NR1D2: variants seen among roughly 807,000 people sequenced by gnomAD.
NR1D2 encodes nuclear receptor subfamily 1 group D member 2.
In NR1D2, 25 loss-of-function variants were observed where a neutral mutation model predicts 52.2. The observed-to-expected ratio is 0.48, with a 90% CI of 0.35 to 0.67. NR1D2 has a LOEUF of 0.67. Among genes scored for constraint, NR1D2 ranks in the 30% least tolerant of loss-of-function variants. The pLI is 0.01. For missense variants in NR1D2, 681 were observed against 707.2 expected (o/e 0.96, Z 0.42); for synonymous variants, 259 against 230.1 (o/e 1.13, Z -1.14).
intron 7 of NR1D2, among the ~76,000 whole-genome samples, chr3:23,973,958 A>C (rs1706655005): frequency 6.6e-6 from 1 of 152,006 alleles, no homozygotes; most frequent in East Asian, 1.9e-4. Flanking sequence ...ATTTTGTTCT[A>C]CTGGAAGGTC....
intron 1 of NR1D2, among the ~76,000 whole-genome samples, chr3:23,947,853 C>A (rs1405013270): frequency 6.6e-6 from 1 of 152,206 alleles, no homozygotes; most frequent in African/African-American, 2.4e-5. Flanking sequence ...CACAGTGGCT[C>A]ACGCCTGTAA....
Position 23,954,801 on chromosome 3 carries a change from C to G in NR1D2, c.281C>G (p.Thr94Arg), listed in dbSNP as rs1224886287. The change falls in exon 2 of 8, where the codon ACA becomes AGA. Residue 94 changes from threonine to arginine, a missense_variant and splice_region_variant. Physicochemically the swap from Thr to Arg is moderately conservative, Grantham distance 71. Around this residue, in one of 3 missense-constraint regions of NR1D2, gnomAD observed 112 missense variants for 162.3 expected, o/e 0.69. Transcript: ENST00000312521. The part of the protein sequence containing the change: ...PGMTKSHSGV[T>R]KFSGMVLLCK... ...ATGACAAAAAGTCATAGTGGTGTGA[C>G]AAGTAAGTTACTTTGGTTTTCTAAA... 2 of 1,610,732 alleles carry G rather than the reference C, an allele frequency of 1.2e-6. No homozygotes were observed. Among genetic ancestry groups the G allele is most frequent in the East Asian group, 4.5e-5 (2 of 44,804 alleles).
Position 23,945,535 on chromosome 3 carries a change from C to T in NR1D2, c.-44C>T, listed in dbSNP as rs1372817104. 4.4e-6 allele frequency: 5 copies of T among 1,135,712 alleles called. No individual in the cohort carries two copies. In the African/African-American group the frequency reaches 6.6e-5, roughly 15 times the overall value. The allele number at this position is 1,135,712 out of a possible 1,614,324, so 70.4% of individuals were successfully genotyped here. A position where few individuals can be genotyped will look rare whatever the true frequency, so the allele number is the denominator to read the frequency against. ...GAGGCGGCGGCGGCGGCGCTGCCCC[C>T]TCTGCGGGAAGCGGGCGGCCCCGGC... On this transcript the variant is annotated 5_prime_UTR_variant, in exon 1 of 8. Transcript: ENST00000312521.
At chr3:23,961,169 T>G (rs960547933) in intron 4 of NR1D2, among the ~76,000 whole-genome samples, 2 of 152,062 alleles carry the variant, frequency 1.3e-5, no homozygotes, top group African/African-American at 4.8e-5. Context: ...AGTTAGATCT[T>G]GAGAGCAAAG....
At chr3:23,950,187 C>T (rs1002805111) in intron 1 of NR1D2, among the ~76,000 whole-genome samples, 5 of 152,190 alleles carry the variant, frequency 3.3e-5, no homozygotes, top group Non-Finnish European at 5.9e-5. Flanking sequence ...TCATTTCAGT[C>T]TTGTAATAAG....
intron 3 of NR1D2, among the ~76,000 whole-genome samples, chr3:23,958,903 C>T (rs970950773): frequency 5.9e-5 from 9 of 152,072 alleles, no homozygotes; most frequent in Non-Finnish European, 1.2e-4. Flanking sequence ...GAGCTGAGAT[C>T]GCACCACTGC....
At chr3:23,970,700 CAT>C (rs1706563882) in intron 7 of NR1D2, among the ~76,000 whole-genome samples, 2 of 152,298 alleles carry the variant, frequency 1.3e-5, no homozygotes, top group Admixed American at 1.3e-4. Context: ...TACAAGTACA[CAT>C]ATATGAAGTT....
chr3:23,946,840 C>T (rs959833767), intron 1 of NR1D2, among the ~76,000 whole-genome samples: 2 of 152,182 alleles, frequency 1.3e-5, no homozygotes, highest in Non-Finnish European at 2.9e-5. Context: ...CTCCTTTTGT[C>T]TGCCCCAAAT....
At position 23,978,930 on chromosome 3, in the gene NR1D2, T is replaced by G. The variant is rs925774102; in HGVS notation, c.*1511T>G. ...ATGGTAGTAGGAGAAATAGCCAAAG[T>G]TGAGGATTTTATGTATGTTTTCCTG... On this transcript the variant is annotated 3_prime_UTR_variant, in exon 8 of 8. Coordinates refer to ENST00000312521, the MANE Select transcript of NR1D2 (RefSeq NM_005126.5). 2.0e-5 allele frequency: 3 copies of G among 152,074 alleles called. No homozygotes were observed. The highest frequency in any genetic ancestry group is 7.2e-5 in the African/African-American group (3 of 41,428). 9.4% of individuals were successfully genotyped at this position (152,074 alleles called of 1,614,324 possible).
At chr3:23,966,014 T>G (rs1706440484) in intron 6 of NR1D2, among the ~76,000 whole-genome samples, 1 of 152,216 alleles carries the variant, frequency 6.6e-6, no homozygotes, top group African/African-American at 2.4e-5. Flanking sequence ...GTATCCTGCT[T>G]GGGCTTGGGG....
At chr3:23,961,743 G>A (rs1239115719) in intron 4 of NR1D2, among the ~76,000 whole-genome samples, 1 of 152,006 alleles carries the variant, frequency 6.6e-6, no homozygotes, top group Non-Finnish European at 1.5e-5. Context: ...ATACCTAGGA[G>A]GTAGATGTCC....
rs1045221168 is a variant in NR1D2, at chr3:23,978,213, A to G, written c.*794A>G. The G allele has an allele frequency of 6.6e-6, 1 of 152,224 alleles. No individual in the cohort carries two copies. Among genetic ancestry groups the G allele is most frequent in the Non-Finnish European group, 1.5e-5 (1 of 68,032 alleles). The allele number at this position is 152,224 out of a possible 1,614,324, so 9.4% of individuals were successfully genotyped here. A position where few individuals can be genotyped will look rare whatever the true frequency, so the allele number is the denominator to read the frequency against. On this transcript the variant is annotated 3_prime_UTR_variant, in exon 8 of 8. Transcript: ENST00000312521. ...GTATTCAAAGTTTATGGGTACAACA[A>G]AGACATAGTACATGTACATAATATG...
At chr3:23,965,676 T>TTA (rs754772757) in intron 6 of NR1D2, among the ~76,000 whole-genome samples, 12 of 151,452 alleles carry the variant, frequency 7.9e-5, no homozygotes, top group Non-Finnish European at 1.8e-4. Flanking sequence ...GTTTAGGATT[T>TTA]TATATATATT....
At chr3:23,945,708 G>A in intron 1 of NR1D2, 114 bp downstream of exon 1, 1 of 638,804 alleles carries the variant, frequency 1.6e-6, no homozygotes, top group Non-Finnish European at 2.1e-6. Context: ...GGCGGGGTGG[G>A]CTGCTGCGCG....
intron 6 of NR1D2, among the ~76,000 whole-genome samples, chr3:23,966,458 G>A (rs1023597554): frequency 1.3e-5 from 2 of 152,202 alleles, no homozygotes; most frequent in African/African-American, 4.8e-5. Flanking sequence ...TGCATTTGAT[G>A]TGTTGATGTT....
intron 7 of NR1D2, among the ~76,000 whole-genome samples, chr3:23,971,628 C>T (rs1203796898): frequency 1.3e-5 from 2 of 152,026 alleles, no homozygotes; most frequent in African/African-American, 4.8e-5. Flanking sequence ...CCTTTTCCCT[C>T]TCAATTTTTT....
chr3:23,948,071 C>T (rs1031845195), intron 1 of NR1D2, among the ~76,000 whole-genome samples: 1 of 151,350 alleles, frequency 6.6e-6, no homozygotes, highest in African/African-American at 2.4e-5. Flanking sequence ...GAGCCGACAT[C>T]GCGCTACTGC....
chr3:23,959,863 T>G (rs369142606), intron 4 of NR1D2, 48 bp downstream of exon 4: 76 of 1,545,022 alleles, frequency 4.9e-5, no homozygotes, highest in Non-Finnish European at 5.8e-5. Context: ...GGAGCTTGGC[T>G]TTTATTCCTC....
At position 23,978,635 on chromosome 3, in the gene NR1D2, A is replaced by G. The variant is rs912957057; in HGVS notation, c.*1216A>G. The G allele has an allele frequency of 1.3e-5, 2 of 152,150 alleles. No homozygotes were observed. Among genetic ancestry groups the G allele is most frequent in the African/African-American group, 4.8e-5 (2 of 41,442 alleles). 9.4% of individuals were successfully genotyped at this position (152,150 alleles called of 1,614,324 possible). ...TACACATGCTGCAGCTTGATGTTAA[A>G]GAATTTTTATTCTTTCTGAAGAACT... On this transcript the variant is annotated 3_prime_UTR_variant, in exon 8 of 8. Coordinates refer to ENST00000312521, the MANE Select transcript of NR1D2 (RefSeq NM_005126.5).
Sources: gnomAD v4.1 joint callset for allele counts (sites outside exome capture counted in the v4.1 genomes callset) on GRCh38, gnomAD v4.1.1 for gene constraint, gnomAD v4.1.1 regional missense constraint, MANE v1.5 for transcripts, NCBI Gene and HGNC (gene_info 2026-07-23, HGNC 2026-07-21) for gene names.